GALNTL6: variants seen among roughly 807,000 people sequenced by gnomAD.
The protein encoded by GALNTL6 is polypeptide N-acetylgalactosaminyltransferase-like 6.
In GALNTL6, 46 loss-of-function variants were observed where a neutral mutation model predicts 73.7. The observed-to-expected ratio is 0.62, with a 90% CI of 0.49 to 0.80. The LOEUF (loss-of-function observed/expected upper bound fraction) is 0.80. Ranked by LOEUF, GALNTL6 falls within the 30% of genes least tolerant of loss-of-function variation. The probability of loss-of-function intolerance (pLI) is 0.00; values close to 1 mark genes in which losing one functional copy is unlikely to be tolerated. For missense variants in GALNTL6, 604 were observed against 755.0 expected (o/e 0.80, Z 2.34); for synonymous variants, 259 against 263.7 (o/e 0.98, Z 0.17).
In GALNTL6 at chr4:172,634,966, T is replaced by C. The variant is rs542088763; in HGVS notation, c.554-174395T>C. Among the ~76,000 whole-genome samples the C allele has an allele frequency of 6.6e-4, 101 of 152,166 alleles. 1 individual carries two copies. Among genetic ancestry groups the C allele is most frequent in the Non-Finnish European group, 1.4e-3 (95 of 68,004 alleles). The stretch of plus-strand genomic sequence containing the variant: ...CTTATCCATAGATGTTATTAATGAA[T>C]AGATGACAGATTTGATGGCTTACAT... On this transcript the variant is annotated intron_variant, in intron 5 of 12. Coordinates refer to ENST00000506823, the MANE Select transcript of GALNTL6 (RefSeq NM_001034845.3).
At chr4:172,210,203 A>G (rs938471624) in intron 2 of GALNTL6, among the ~76,000 whole-genome samples, 2 of 152,080 alleles carry the variant, frequency 1.3e-5, no homozygotes, top group African/African-American at 4.8e-5. Flanking sequence ...ATTTAGAGAA[A>G]TATTGCCCTT....
intron 12 of GALNTL6, among the ~76,000 whole-genome samples, chr4:173,024,031 C>T (rs1753126231): frequency 6.6e-6 from 1 of 152,052 alleles, no homozygotes; most frequent in Non-Finnish European, 1.5e-5. Flanking sequence ...GCATGACACA[C>T]CAACCACTCA....
At chr4:172,740,083 G>T (rs1540474) in intron 5 of GALNTL6, among the ~76,000 whole-genome samples, 1 of 151,442 alleles carries the variant, frequency 6.6e-6, no homozygotes, top group African/African-American at 2.4e-5. Context: ...ACCTCATCTC[G>T]TACCGTGTTT....
intron 10 of GALNTL6, among the ~76,000 whole-genome samples, chr4:172,974,737 C>G (rs1750730803): frequency 6.6e-6 from 1 of 152,230 alleles, no homozygotes; most frequent in South Asian, 2.1e-4. Context: ...CAAGTGCAGA[C>G]TGGTGAGGGG....
At chr4:172,400,769 A>T (rs1744007901) in intron 5 of GALNTL6, among the ~76,000 whole-genome samples, 2 of 152,126 alleles carry the variant, frequency 1.3e-5, no homozygotes, top group South Asian at 4.1e-4. Flanking sequence ...GTAAGAGCCC[A>T]GCATGAGGGA....
intron 5 of GALNTL6, chr4:172,669,353 C>G (rs1489694202): frequency 6.6e-6 from 1 of 152,096 alleles, no homozygotes; most frequent in Non-Finnish European, 1.5e-5. Flanking sequence ...TTGAGAATTG[C>G]CAAAAATAAT....
At chr4:172,387,712 A>G (rs1166469628) in intron 5 of GALNTL6, among the ~76,000 whole-genome samples, 1 of 152,076 alleles carries the variant, frequency 6.6e-6, no homozygotes, top group Non-Finnish European at 1.5e-5. Flanking sequence ...TTATTTCTTC[A>G]AATCCTCTCT....
intron 3 of GALNTL6, among the ~76,000 whole-genome samples, chr4:172,299,167 A>G (rs955342777): frequency 2.0e-5 from 3 of 152,122 alleles, no homozygotes; most frequent in Non-Finnish European, 4.4e-5. Flanking sequence ...AGGTGTTTAT[A>G]GTATTCTCTG....
chr4:172,013,063 G>T (rs1560884826), intron 2 of GALNTL6, among the ~76,000 whole-genome samples: 2 of 151,948 alleles, frequency 1.3e-5, no homozygotes, highest in Admixed American at 6.6e-5. Flanking sequence ...CATAATAATT[G>T]TATATATTTA....
intron 5 of GALNTL6, among the ~76,000 whole-genome samples, chr4:172,519,288 T>C (rs989587294): frequency 2.0e-5 from 3 of 150,924 alleles, no homozygotes; most frequent in African/African-American, 7.3e-5. Flanking sequence ...TCACTTTCCT[T>C]GCAGCAGTGA....
rs137943981 is a variant in GALNTL6 at position 171,941,187 on chromosome 4, C to A, written c.138+126469C>A. 7.9e-5 allele frequency among the ~76,000 whole-genome samples: 12 copies of A among 152,234 alleles called. No individual in the cohort carries two copies. The East Asian group carries it at 1.9e-3, about 25-fold the overall frequency. ...ATGGATGGTTAAGCAGAGATGGAAC[C>A]TGTAGCAAGCTCTCTGTATTGTGAG... On this transcript the variant is annotated intron_variant, in intron 2 of 12. Coordinates refer to ENST00000506823, the MANE Select transcript of GALNTL6 (RefSeq NM_001034845.3).
At chr4:172,162,037 A>G (rs1734486332) in intron 2 of GALNTL6, among the ~76,000 whole-genome samples, 1 of 152,040 alleles carries the variant, frequency 6.6e-6, no homozygotes, top group Non-Finnish European at 1.5e-5. Context: ...AAGAGCATCA[A>G]CGAAGTCGTA....
In GALNTL6 at chr4:172,082,437, T is replaced by C. The variant is rs371672500; in HGVS notation, c.139-147219T>C. On this transcript the variant is annotated intron_variant, in intron 2 of 12. Coordinates refer to ENST00000506823, the MANE Select transcript of GALNTL6 (RefSeq NM_001034845.3). ...ACATGATTGGGCACAAAATGAAATA[T>C]GTGAGGTGGCAATTGCACCTGCAGT... Among the ~76,000 whole-genome samples, 10 of 152,066 alleles carry C rather than the reference T, an allele frequency of 6.6e-5. No homozygotes were observed. The East Asian group carries it at 1.2e-3, about 18-fold the overall frequency.
chr4:172,975,045 C>A (rs902479589), intron 10 of GALNTL6, among the ~76,000 whole-genome samples: 3 of 152,220 alleles, frequency 2.0e-5, no homozygotes, highest in Non-Finnish European at 4.4e-5. Flanking sequence ...CTTCTGGTTG[C>A]CCCCACGTGG....
intron 2 of GALNTL6, among the ~76,000 whole-genome samples, chr4:172,101,463 G>A (rs1732517655): frequency 6.6e-6 from 1 of 152,172 alleles, no homozygotes; most frequent in Non-Finnish European, 1.5e-5. Context: ...ACGAGAGAGA[G>A]AGAGATGTAT....
At chr4:173,005,396 T>C (rs1469157604) in intron 10 of GALNTL6, among the ~76,000 whole-genome samples, 2 of 152,162 alleles carry the variant, frequency 1.3e-5, no homozygotes, top group East Asian at 1.9e-4. Context: ...GATTCTGCCA[T>C]AGACATATTT....
chr4:171,828,525 A>C (rs1292507042), intron 2 of GALNTL6, among the ~76,000 whole-genome samples: 1 of 152,208 alleles, frequency 6.6e-6, no homozygotes, highest in Non-Finnish European at 1.5e-5. Flanking sequence ...CTGCCACTTC[A>C]GACAATTCAT....
At chr4:172,321,953 G>A (rs1048238049) in intron 4 of GALNTL6, among the ~76,000 whole-genome samples, 5 of 152,096 alleles carry the variant, frequency 3.3e-5, no homozygotes, top group African/African-American at 7.2e-5. Context: ...CTCAGAAGCC[G>A]GGCAAGTGAG....
chr4:172,459,048 G>C (rs1195952300), intron 5 of GALNTL6, among the ~76,000 whole-genome samples: 2 of 152,170 alleles, frequency 1.3e-5, no homozygotes, highest in East Asian at 3.8e-4. Context: ...GGGATGCAAG[G>C]CTGGTTCAAC....
Sources: allele counts gnomAD v4.1 joint callset (sites outside exome capture counted in the v4.1 genomes callset), GRCh38; gene constraint gnomAD v4.1.1; transcripts MANE v1.5; gene names NCBI Gene and HGNC (gene_info 2026-07-23, HGNC 2026-07-21).